Variants in CYRIA observed in about 807,000 individuals in gnomAD.
The protein encoded by CYRIA is CYFIP related Rac1 interactor A.
A neutral mutation model predicts 43.9 loss-of-function variants in CYRIA; 15 were observed. The observed-to-expected ratio is 0.34, with a 90% CI of 0.23 to 0.53. The LOEUF (loss-of-function observed/expected upper bound fraction) is 0.53. Ranked by LOEUF, CYRIA falls within the 20% of genes least tolerant of loss-of-function variation. The probability of loss-of-function intolerance (pLI) is 0.94; values close to 1 mark genes in which losing one functional copy is unlikely to be tolerated. For synonymous variants in CYRIA, 117 were observed against 136.0 expected, an observed-to-expected ratio of 0.86 and a Z score of 0.97; for missense variants, 236 against 394.2, an observed-to-expected ratio of 0.60 and a Z score of 3.40.
intron 1 of CYRIA, among the ~76,000 whole-genome samples, chr2:16,640,827 C>A (rs1669655177): frequency 1.4e-5 from 2 of 146,596 alleles, no homozygotes; most frequent in African/African-American, 2.5e-5. Flanking sequence ...ATGTTAATCA[C>A]AGAGTTCCAA....
At chr2:16,608,054 T>G (rs10207081) in intron 2 of CYRIA, among the ~76,000 whole-genome samples, 107,486 of 151,936 alleles carry the variant, frequency 0.71, 39,071 homozygotes, top group East Asian at 0.97. Flanking sequence ...TGGCTGTCAG[T>G]GTTTTAGCCA....
intron 3 of CYRIA, among the ~76,000 whole-genome samples, chr2:16,572,390 G>C (rs1667164286): frequency 6.6e-6 from 1 of 151,412 alleles, no homozygotes; most frequent in Non-Finnish European, 1.5e-5. Flanking sequence ...TCCCAGGTAT[G>C]TTCTGTTTTT....
chr2:16,618,453 T>C (rs980599763), intron 2 of CYRIA, among the ~76,000 whole-genome samples: 2 of 152,158 alleles, frequency 1.3e-5, no homozygotes, highest in African/African-American at 4.8e-5. Flanking sequence ...AGGTCATATG[T>C]CTTGTCCCCA....
At chr2:16,640,622 G>A (rs1289389167) in intron 1 of CYRIA, among the ~76,000 whole-genome samples, 4 of 152,134 alleles carry the variant, frequency 2.6e-5, no homozygotes, top group African/African-American at 9.7e-5. Context: ...GCCCTCTCTG[G>A]GCCTCCAGAG....
At position 16,589,737 on chromosome 2, in the gene CYRIA, A is replaced by G. The variant is rs140876748; in HGVS notation, c.-10-1608T>C. ...GATGATGATAGTCACCATCATCATC[A>G]TCATCATGATTATGCTAACAGCCTT... is the stretch of plus-strand genomic sequence containing the variant. On this transcript the variant is annotated intron_variant, in intron 2 of 11. Transcript: ENST00000381323. 2.7e-3 allele frequency among the ~76,000 whole-genome samples: 413 copies of G among 152,226 alleles called. 3 individuals are homozygous for G. The highest frequency in any genetic ancestry group is 9.6e-3 in the African/African-American group (397 of 41,540).
intron 3 of CYRIA, among the ~76,000 whole-genome samples, chr2:16,575,716 C>A (rs554389715): frequency 6.6e-6 from 1 of 151,832 alleles, no homozygotes; most frequent in Non-Finnish European, 1.5e-5. Flanking sequence ...ATTAGCCGGG[C>A]GTGATGGCGG....
chr2:16,569,845 A>G (rs1163474109), intron 3 of CYRIA, among the ~76,000 whole-genome samples: 1 of 152,220 alleles, frequency 6.6e-6, no homozygotes, highest in Non-Finnish European at 1.5e-5. Flanking sequence ...TATCTGTTTC[A>G]CTTGACATTA....
chr2:16,605,251 A>G (rs1277036222), intron 2 of CYRIA, among the ~76,000 whole-genome samples: 2 of 152,244 alleles, frequency 1.3e-5, no homozygotes, highest in African/African-American at 2.4e-5. Flanking sequence ...TAATTTTTCC[A>G]TAAACATCAA....
chr2:16,576,625 C>T (rs1667355814), intron 3 of CYRIA, among the ~76,000 whole-genome samples: 1 of 152,176 alleles, frequency 6.6e-6, no homozygotes, highest in Non-Finnish European at 1.5e-5. Context: ...ACCAATATTG[C>T]ATTATTGATG....
At chr2:16,636,925 A>G (rs4832664) in intron 1 of CYRIA, among the ~76,000 whole-genome samples, 33,855 of 152,144 alleles carry the variant, frequency 0.22, 6,571 homozygotes, top group East Asian at 0.61. Context: ...GCAGTGAGCC[A>G]TGATCATGCC....
At chr2:16,583,173 C>T (rs995064972) in intron 3 of CYRIA, among the ~76,000 whole-genome samples, 1 of 152,092 alleles carries the variant, frequency 6.6e-6, no homozygotes, top group African/African-American at 2.4e-5. Flanking sequence ...GAGAAATGTC[C>T]ACTCAGATCC....
At chr2:16,593,887 C>G (rs1025778823) in intron 2 of CYRIA, among the ~76,000 whole-genome samples, 6 of 144,814 alleles carry the variant, frequency 4.1e-5, no homozygotes, top group Admixed American at 1.4e-4. Context: ...GACCCCCGAC[C>G]CCACCACAGT....
rs560492423 is a variant in CYRIA, at chr2:16,607,105, G to A, written c.-11+16759C>T. 4.6e-5 allele frequency among the ~76,000 whole-genome samples: 7 copies of A among 152,292 alleles called. No homozygotes were observed. In the East Asian group the frequency reaches 5.8e-4, roughly 13 times the overall value. ...CACTTGAAATCTCAGAGACAGGTGC[G>A]GCTCTGCCTTTGTTTCCAGCTTCTG... On this transcript the variant is annotated intron_variant, in intron 2 of 11. Coordinates refer to ENST00000381323, the MANE Select transcript of CYRIA (RefSeq NM_030797.4).
chr2:16,578,602 TAAAA>T (rs1667435769), intron 3 of CYRIA, among the ~76,000 whole-genome samples: 1 of 152,138 alleles, frequency 6.6e-6, no homozygotes, highest in African/African-American at 2.4e-5. Context: ...AGGGAAATGC[TAAAA>T]ATGAAAAATT....
At chr2:16,661,883 TA>T in intron 1 of CYRIA, among the ~76,000 whole-genome samples, 1 of 152,162 alleles carries the variant, frequency 6.6e-6, no homozygotes, top group East Asian at 1.9e-4. Context: ...ATGGGGACAA[TA>T]ATACTAATGT....
At chr2:16,646,889 G>A (rs758033394) in intron 1 of CYRIA, among the ~76,000 whole-genome samples, 4 of 152,108 alleles carry the variant, frequency 2.6e-5, no homozygotes, top group African/African-American at 4.8e-5. Flanking sequence ...TCCTGCATTT[G>A]GATTCAGACT....
intron 1 of CYRIA, among the ~76,000 whole-genome samples, chr2:16,657,388 T>C (rs942503059): frequency 6.6e-6 from 1 of 152,004 alleles, no homozygotes; most frequent in Non-Finnish European, 1.5e-5. Flanking sequence ...AATAAAAAAT[T>C]CCCAGCTTAT....
chr2:16,608,095 C>T (rs946768586), intron 2 of CYRIA, among the ~76,000 whole-genome samples: 2 of 152,120 alleles, frequency 1.3e-5, no homozygotes, highest in South Asian at 2.1e-4. Context: ...TCCTCCCCGC[C>T]CAACCACCAA....
At chr2:16,614,440 G>A (rs935319680) in intron 2 of CYRIA, among the ~76,000 whole-genome samples, 1 of 152,186 alleles carries the variant, frequency 6.6e-6, no homozygotes, top group Non-Finnish European at 1.5e-5. Context: ...ATGACTCAGC[G>A]ATGCTCTATC....
Sources: gnomAD v4.1 joint callset for allele counts (sites outside exome capture counted in the v4.1 genomes callset) on GRCh38, gnomAD v4.1.1 for gene constraint, MANE v1.5 for transcripts, NCBI Gene and HGNC (gene_info 2026-07-23, HGNC 2026-07-21) for gene names.